The following CNTNAP2 variants were observed in gnomAD, a reference collection of about 807,000 sequenced individuals.
CNTNAP2 encodes contactin-associated protein-like 2.
A neutral mutation model predicts 155.2 loss-of-function variants in CNTNAP2; 98 were observed. The observed-to-expected ratio is 0.63, with a 90% CI of 0.54 to 0.75. CNTNAP2 has a LOEUF of 0.75. Among genes scored for constraint, CNTNAP2 ranks in the 30% least tolerant of loss-of-function variants. The pLI is 0.00. For missense variants in CNTNAP2, 1,727 were observed against 1,688.1 expected (o/e 1.02, Z -0.40); for synonymous variants, 651 against 631.2 (o/e 1.03, Z -0.47).
chr7:148,213,742 A>C, intron 18 of CNTNAP2, among the ~76,000 whole-genome samples: 3 of 148,220 alleles, frequency 2.0e-5, no homozygotes, highest in African/African-American at 7.5e-5. Flanking sequence ...GCCCTTCCTG[A>C]CTCCTCCTCC....
intron 1 of CNTNAP2, among the ~76,000 whole-genome samples, chr7:146,676,829 C>G (rs976418130): frequency 6.6e-6 from 1 of 152,150 alleles, no homozygotes; most frequent in African/African-American, 2.4e-5. Context: ...ATGGGGGAAA[C>G]TGCCCCCATG....
intron 20 of CNTNAP2, among the ~76,000 whole-genome samples, chr7:148,256,740 T>G (rs1281267041): frequency 6.6e-6 from 1 of 152,144 alleles, no homozygotes; most frequent in Non-Finnish European, 1.5e-5. Flanking sequence ...TCTCTTCTAG[T>G]TTTGCAGCCA....
In CNTNAP2 at chr7:147,861,735, A is replaced by C. The variant is rs1799135957; in HGVS notation, c.2099-41830A>C. ...AAAGTGGCATATAAATTAAGACATT[A>C]CCAAGTGTGGTGGCTCATGGCTGTA... is the stretch of plus-strand genomic sequence containing the variant. On this transcript the variant is annotated intron_variant, in intron 13 of 23. Transcript: ENST00000361727. 1.3e-5 allele frequency among the ~76,000 whole-genome samples: 2 copies of C among 152,116 alleles called. 1 individual carries two copies. Among genetic ancestry groups the C allele is most frequent in the South Asian group, 4.1e-4 (2 of 4,824 alleles).
At chr7:147,467,025 T>C (rs755289302) in intron 10 of CNTNAP2, among the ~76,000 whole-genome samples, 1 of 152,252 alleles carries the variant, frequency 6.6e-6, no homozygotes, top group Non-Finnish European at 1.5e-5. Flanking sequence ...GCCATTTGTG[T>C]CTCCTTATTT....
intron 2 of CNTNAP2, among the ~76,000 whole-genome samples, chr7:146,781,405 A>T (rs1802486884): frequency 6.6e-6 from 1 of 152,088 alleles, no homozygotes; most frequent in Non-Finnish European, 1.5e-5. Context: ...AAATTAACAT[A>T]AAAAGACACA....
chr7:146,550,223 C>G (rs1798094273), intron 1 of CNTNAP2, among the ~76,000 whole-genome samples: 1 of 151,810 alleles, frequency 6.6e-6, no homozygotes, highest in Non-Finnish European at 1.5e-5. Flanking sequence ...CCCCCATGTA[C>G]CTAAGGGTCA....
chr7:146,256,075 A>G (rs1442265495), intron 1 of CNTNAP2, among the ~76,000 whole-genome samples: 2 of 152,212 alleles, frequency 1.3e-5, no homozygotes, highest in Non-Finnish European at 2.9e-5. Context: ...GTGATTTGAA[A>G]TATCCTATAG....
At position 146,910,745 on chromosome 7, in the gene CNTNAP2, G is replaced by A. The variant is rs886198178; in HGVS notation, c.402+70841G>A. On this transcript the variant is annotated intron_variant, in intron 3 of 23. Coordinates refer to ENST00000361727, the MANE Select transcript of CNTNAP2 (RefSeq NM_014141.6). Reference sequence around the variant, plus strand: ...ATTACCATTCAGGACATAGGCATGGGCAAGGACTTCATGTCTAAAACACCA... The same window carrying A: ...ATTACCATTCAGGACATAGGCATGGACAAGGACTTCATGTCTAAAACACCA... Among the ~76,000 whole-genome samples the A allele has an allele frequency of 1.3e-4, 19 of 148,992 alleles. 1 individual carries two copies. Among genetic ancestry groups the A allele is most frequent in the African/African-American group, 4.8e-4 (19 of 39,858 alleles).
intron 9 of CNTNAP2, among the ~76,000 whole-genome samples, chr7:147,371,477 T>A (rs1796337239): frequency 6.6e-6 from 1 of 152,210 alleles, no homozygotes; most frequent in South Asian, 2.1e-4. Flanking sequence ...TTGCTTTGAC[T>A]GCACAGAAGG....
chr7:148,130,777 C>T (rs1181572034), intron 16 of CNTNAP2, among the ~76,000 whole-genome samples: 2 of 152,156 alleles, frequency 1.3e-5, no homozygotes, highest in Admixed American at 1.3e-4. Context: ...AATTGCTTCC[C>T]CTTCATTGAA....
chr7:146,679,348 T>TTTC (rs1554466877), intron 1 of CNTNAP2, among the ~76,000 whole-genome samples: 1 of 13,178 alleles, frequency 7.6e-5, no homozygotes, highest in African/African-American at 2.0e-4. Flanking sequence ...ATCTTGTTTC[T>TTTC]TTTTTTTTTT....
At chr7:146,879,267 C>T (rs1193361259) in intron 3 of CNTNAP2, among the ~76,000 whole-genome samples, 4 of 152,228 alleles carry the variant, frequency 2.6e-5, no homozygotes, top group Non-Finnish European at 4.4e-5. Flanking sequence ...ACTTCCTTTC[C>T]ACTCTTTCTA....
intron 15 of CNTNAP2, among the ~76,000 whole-genome samples, chr7:148,005,350 A>G (rs919917780): frequency 6.6e-6 from 1 of 152,196 alleles, no homozygotes; most frequent in African/African-American, 2.4e-5. Context: ...TCATGCCATT[A>G]CATTGGTGAT....
chr7:146,919,291 G>T (rs1253150833), intron 3 of CNTNAP2, among the ~76,000 whole-genome samples: 2 of 152,152 alleles, frequency 1.3e-5, no homozygotes, highest in East Asian at 3.9e-4. Context: ...TTGTTTTCTG[G>T]TTCATTCTCA....
intron 1 of CNTNAP2, among the ~76,000 whole-genome samples, chr7:146,338,271 C>CA (rs1452394325): frequency 6.6e-6 from 1 of 151,982 alleles, no homozygotes; most frequent in Non-Finnish European, 1.5e-5. Flanking sequence ...TGCTTGGTAG[C>CA]AAATGCTGAG....
intron 8 of CNTNAP2, among the ~76,000 whole-genome samples, chr7:147,247,081 G>A (rs928060448): frequency 1.3e-5 from 2 of 152,000 alleles, no homozygotes; most frequent in East Asian, 3.9e-4. Context: ...TAATATCATA[G>A]GTTATAAAGA....
intron 4 of CNTNAP2, among the ~76,000 whole-genome samples, chr7:147,060,686 C>A (rs978924701): frequency 2.0e-5 from 3 of 152,032 alleles, no homozygotes; most frequent in Non-Finnish European, 2.9e-5. Context: ...CACGGTGAAA[C>A]CCCGTCTCTA....
chr7:146,380,253 G>T (rs778140548), intron 1 of CNTNAP2, among the ~76,000 whole-genome samples: 1 of 152,152 alleles, frequency 6.6e-6, no homozygotes, highest in African/African-American at 2.4e-5. Context: ...AGGTAATGAT[G>T]CAGTACACTT....
At chr7:148,362,795 A>C (rs1371446305) in intron 21 of CNTNAP2, among the ~76,000 whole-genome samples, 1 of 152,142 alleles carries the variant, frequency 6.6e-6, no homozygotes, top group African/African-American at 2.4e-5. Flanking sequence ...CCATGTTTCA[A>C]CGTTTAAAGG....
Sources: allele counts gnomAD v4.1 joint callset (sites outside exome capture counted in the v4.1 genomes callset), GRCh38; gene constraint gnomAD v4.1.1; transcripts MANE v1.5; gene names NCBI Gene and HGNC (gene_info 2026-07-23, HGNC 2026-07-21).